RELN: variants seen among roughly 807,000 people sequenced by gnomAD.
RELN encodes reelin.
A neutral mutation model predicts 427.6 loss-of-function variants in RELN; 108 were observed. That is an observed-to-expected ratio of 0.25 (90% CI 0.22 to 0.30). The LOEUF (loss-of-function observed/expected upper bound fraction) is 0.30, where lower values mean the gene tolerates loss of function less well. Ranked by LOEUF, RELN falls within the 10% of genes least tolerant of loss-of-function variation. RELN has a pLI of 1.00. For synonymous variants in RELN, 1,524 were observed against 1,513.4 expected (o/e 1.01, Z -0.16); for missense variants, 3,715 against 4,302.8 (o/e 0.86, Z 3.82).
intron 1 of RELN, among the ~76,000 whole-genome samples, chr7:103,923,603 A>G (rs1795662169): frequency 6.6e-6 from 1 of 152,194 alleles, no homozygotes; most frequent in African/African-American, 2.4e-5. Flanking sequence ...CCAGGAACAA[A>G]TGGACTCCAA....
intron 2 of RELN, among the ~76,000 whole-genome samples, chr7:103,904,849 T>C (rs1369533168): frequency 6.6e-6 from 1 of 151,962 alleles, no homozygotes; most frequent in Non-Finnish European, 1.5e-5. Flanking sequence ...TGTAGACTTA[T>C]CATTTCTGGA....
At chr7:103,708,549 C>T (rs1284541168) in intron 8 of RELN, among the ~76,000 whole-genome samples, 7 of 148,234 alleles carry the variant, frequency 4.7e-5, no homozygotes, top group African/African-American at 7.7e-5. Flanking sequence ...CTGCAAGATC[C>T]GCCTCCCGGG....
In RELN at chr7:103,563,619, G is replaced by A. The variant is rs1562893252; in HGVS notation, c.5210+1659C>T. ...AAATTTAGTGGAGCCTAAGTGCATAGTGTTTATGAAATCTATAGTAGTGTA... is the reference window on the plus strand; with the variant it reads ...AAATTTAGTGGAGCCTAAGTGCATAATGTTTATGAAATCTATAGTAGTGTA... On this transcript the variant is annotated intron_variant, in intron 34 of 64. Coordinates refer to ENST00000428762, the MANE Select transcript of RELN (RefSeq NM_005045.4). This position sits in a 1 kb window ranked among gnomAD's most constrained non-coding sequence, Gnocchi z 4.1. Among the ~76,000 whole-genome samples the A allele has an allele frequency of 6.6e-6, 1 of 152,138 alleles. No individual in the cohort carries two copies. The highest frequency in any genetic ancestry group is 1.9e-4 in the East Asian group (1 of 5,204).
At chr7:103,522,299 G>A (rs1187951011) in intron 47 of RELN, 100 bp from the exon 48 acceptor site, 2 of 1,189,340 alleles carry the variant, frequency 1.7e-6, no homozygotes, top group Non-Finnish European at 2.4e-6. Flanking sequence ...AGTCCAAGAT[G>A]ATGAAAAGTT....
At chr7:103,798,968 G>T (rs1792378104) in intron 3 of RELN, among the ~76,000 whole-genome samples, 1 of 152,118 alleles carries the variant, frequency 6.6e-6, no homozygotes, top group African/African-American at 2.4e-5. Flanking sequence ...TTTGCCCAGG[G>T]CCTATAGCCA....
At chr7:103,966,351 C>T (rs1046266222) in intron 1 of RELN, among the ~76,000 whole-genome samples, 10 of 152,122 alleles carry the variant, frequency 6.6e-5, no homozygotes, top group Non-Finnish European at 1.3e-4. Flanking sequence ...TCACCCAGAC[C>T]GAAACAATTA....
At chr7:103,578,264 C>T (rs1319086911) in intron 28 of RELN, among the ~76,000 whole-genome samples, 1 of 152,000 alleles carries the variant, frequency 6.6e-6, no homozygotes, top group Non-Finnish European at 1.5e-5. Context: ...AAGCAGAATG[C>T]ACTGTTATAT....
At chr7:103,870,539 A>G (rs767382137) in intron 2 of RELN, among the ~76,000 whole-genome samples, 1 of 152,022 alleles carries the variant, frequency 6.6e-6, no homozygotes, top group Non-Finnish European at 1.5e-5. Flanking sequence ...GAGGATCTCT[A>G]TCAAGTACTG....
intron 2 of RELN, among the ~76,000 whole-genome samples, chr7:103,890,314 C>A (rs1454000154): frequency 6.6e-6 from 1 of 151,958 alleles, no homozygotes; most frequent in African/African-American, 2.4e-5. Context: ...TTGGGATTCA[C>A]ACTATAACAG....
chr7:103,602,057 C>G (rs1009323302), intron 24 of RELN, among the ~76,000 whole-genome samples: 1 of 152,160 alleles, frequency 6.6e-6, no homozygotes, highest in Non-Finnish European at 1.5e-5. Flanking sequence ...TCTACATACC[C>G]CCACTCTCAT....
chr7:103,966,058 G>A (rs374504077), intron 1 of RELN, among the ~76,000 whole-genome samples: 20 of 152,146 alleles, frequency 1.3e-4, no homozygotes, highest in Non-Finnish European at 2.4e-4. Context: ...TTTTATTACA[G>A]GCTAATTGAT....
chr7:103,723,219 A>T (rs1260063222), intron 7 of RELN, 28 bp from the exon 8 acceptor site: 22 of 1,390,374 alleles, frequency 1.6e-5, no homozygotes, highest in Non-Finnish European at 2.3e-5. Flanking sequence ...CATAAAAATA[A>T]GACAAGACAG....
chr7:103,867,438 G>A (rs748077466), intron 2 of RELN, among the ~76,000 whole-genome samples: 1 of 151,500 alleles, frequency 6.6e-6, no homozygotes, highest in Non-Finnish European at 1.5e-5. Context: ...TAGAAGACTC[G>A]TGCTACTTTT....
intron 3 of RELN, among the ~76,000 whole-genome samples, chr7:103,791,212 C>G (rs1482882424): frequency 2.0e-5 from 3 of 151,980 alleles, no homozygotes; most frequent in Non-Finnish European, 4.4e-5. Context: ...AGCATGATAC[C>G]TCTCAAAATC....
chr7:103,517,177 CT>C (rs35531504), intron 49 of RELN, among the ~76,000 whole-genome samples: 5,467 of 143,836 alleles, frequency 0.038, 136 homozygotes, highest in South Asian at 0.16. Flanking sequence ...TTCCCTGCAC[CT>C]TTTTTTTTTT....
intron 57 of RELN, among the ~76,000 whole-genome samples, chr7:103,492,681 A>T (rs182939222): frequency 1.3e-5 from 2 of 152,306 alleles, no homozygotes; most frequent in African/African-American, 2.4e-5. Flanking sequence ...CTAAATTCAG[A>T]GAGAGAATAA....
intron 46 of RELN, among the ~76,000 whole-genome samples, chr7:103,524,237 C>T (rs1027659067): frequency 2.0e-5 from 3 of 152,106 alleles, no homozygotes; most frequent in African/African-American, 4.8e-5. Flanking sequence ...TGACTATCTC[C>T]GAGCAGCCGC....
At position 103,690,359 on chromosome 7, in the gene RELN, T is replaced by A. The variant is rs1444607016; in HGVS notation, c.1143+7494A>T. On this transcript the variant is annotated intron_variant, in intron 10 of 64. Transcript: ENST00000428762. ...ATTCTCACAGAGCTGGTGCACTAGA[T>A]GTTCCTTGAGATTAATCATTCCCCC... is the stretch of plus-strand genomic sequence containing the variant. Among the ~76,000 whole-genome samples, 6 of 152,066 alleles carry A rather than the reference T, an allele frequency of 3.9e-5. No individual in the cohort carries two copies. In the East Asian group the frequency reaches 1.2e-3, roughly 29 times the overall value.
chr7:103,905,257 C>T (rs1016074810), intron 2 of RELN, among the ~76,000 whole-genome samples: 10 of 152,040 alleles, frequency 6.6e-5, no homozygotes, highest in African/African-American at 1.9e-4. Flanking sequence ...GGATTACAGG[C>T]GTGAGCCACT....
Sources: allele counts gnomAD v4.1 joint callset (sites outside exome capture counted in the v4.1 genomes callset), GRCh38; gene constraint gnomAD v4.1.1; non-coding constraint Gnocchi (gnomAD v3.1); transcripts MANE v1.5; gene names NCBI Gene and HGNC (gene_info 2026-07-23, HGNC 2026-07-21).